Variants in CDC42BPB observed in about 807,000 individuals in gnomAD.
CDC42BPB encodes the protein CDC42 binding protein kinase beta, also known as serine/threonine-protein kinase MRCK beta.
CDC42BPB carries 37 observed loss-of-function variants against 214.9 expected under a neutral mutation model. The observed-to-expected ratio is 0.17, with a 90% CI of 0.13 to 0.23. The LOEUF is 0.23. CDC42BPB is among the 10% of genes least tolerant of loss of function. The probability of loss-of-function intolerance (pLI) is 1.00; values close to 1 mark genes in which losing one functional copy is unlikely to be tolerated. For synonymous variants in CDC42BPB, 931 were observed against 884.0 expected, an observed-to-expected ratio of 1.05 and a Z score of -0.94; for missense variants, 1,694 against 2,227.0, an observed-to-expected ratio of 0.76 and a Z score of 4.82.
Position 103,057,191 on chromosome 14 carries a change from TC to T in CDC42BPB, c.-19del. The T allele has an allele frequency of 4.4e-6, 6 of 1,365,298 alleles. No homozygotes were observed. Among genetic ancestry groups the T allele is most frequent in the Non-Finnish European group, 5.7e-6 (6 of 1,053,558 alleles). The allele number at this position is 1,365,298 out of a possible 1,614,324, so 84.6% of individuals were successfully genotyped here. A position where few individuals can be genotyped will look rare whatever the true frequency, so the allele number is the denominator to read the frequency against. ...GCCGACATGGTGCCGCGCGGCCCGC[TC>T]CCGACGCGCCGGCCTCTCACCGCCG... is the stretch of plus-strand genomic sequence containing the variant. On this transcript the variant is annotated 5_prime_UTR_variant, in exon 1 of 37. Coordinates refer to ENST00000361246, the MANE Select transcript of CDC42BPB (RefSeq NM_006035.4).
At position 102,932,580 on chromosome 14, in the gene CDC42BPB, T is replaced by G. The variant is rs531480117; in HGVS notation, c.*1132A>C. 9 of 151,834 alleles carry G rather than the reference T, an allele frequency of 5.9e-5. No individual in the cohort carries two copies. Among genetic ancestry groups the G allele is most frequent in the African/African-American group, 1.9e-4 (8 of 41,220 alleles). The allele number at this position is 151,834 out of a possible 1,614,324, so 9.4% of individuals were successfully genotyped here. ...GGTGCTGGGCCACTCAGTGCCGACT[T>G]GGGGAAGTGCACGTCCTGAACAGCC... On this transcript the variant is annotated 3_prime_UTR_variant, in exon 37 of 37. Transcript: ENST00000361246.
intron 5 of CDC42BPB, among the ~76,000 whole-genome samples, chr14:102,996,357 G>C (rs1200309867): frequency 6.6e-6 from 1 of 152,132 alleles, no homozygotes; most frequent in Non-Finnish European, 1.5e-5. Flanking sequence ...AAAAGAGAGA[G>C]AGAATGAGGA....
intron 20 of CDC42BPB, among the ~76,000 whole-genome samples, chr14:102,961,594 C>T (rs1178163191): frequency 6.6e-6 from 1 of 150,716 alleles, no homozygotes; most frequent in East Asian, 2.0e-4. Flanking sequence ...TGCAATGGTG[C>T]AATCTCGGCT....
At chr14:102,935,627 T>TA (rs1306362363) in intron 36 of CDC42BPB, among the ~76,000 whole-genome samples, 1 of 151,916 alleles carries the variant, frequency 6.6e-6, no homozygotes, top group Non-Finnish European at 1.5e-5. Flanking sequence ...CCGCCTCTAC[T>TA]AAAAATACAA....
rs1887789772 is a variant in CDC42BPB at position 103,038,356 on chromosome 14, A to C, written c.175+18643T>G. Among the ~76,000 whole-genome samples the C allele has an allele frequency of 3.3e-5, 5 of 151,768 alleles. No homozygotes were observed. In the South Asian group the frequency reaches 1.0e-3, roughly 32 times the overall value. On this transcript the variant is annotated intron_variant, in intron 1 of 36. Coordinates refer to ENST00000361246, the MANE Select transcript of CDC42BPB (RefSeq NM_006035.4). ...GACTCTGTCTCAAAAAAAAAAAAAA[A>C]ACCAAAACAACTTCAGCACTCCTTA...
At chr14:102,951,295 T>C (rs191184534) in intron 24 of CDC42BPB, among the ~76,000 whole-genome samples, 3 of 152,186 alleles carry the variant, frequency 2.0e-5, no homozygotes, top group Non-Finnish European at 4.4e-5. Flanking sequence ...TGCTATAATG[T>C]AGAATGAAGG....
At chr14:102,970,303 C>T (rs1595479149) in intron 13 of CDC42BPB, 42 bp from the exon 14 acceptor site, 5 of 1,571,650 alleles carry the variant, frequency 3.2e-6, no homozygotes, top group Non-Finnish European at 4.3e-6. Flanking sequence ...AAAAGCGAGC[C>T]CTGCTTCACC....
At chr14:103,000,541 C>T (rs576858918) in intron 4 of CDC42BPB, among the ~76,000 whole-genome samples, 5 of 152,342 alleles carry the variant, frequency 3.3e-5, no homozygotes, top group South Asian at 2.1e-4. Flanking sequence ...TCTCTGGGGC[C>T]GCTGTGCCTC....
intron 25 of CDC42BPB, 133 bp from the exon 26 acceptor site, chr14:102,950,037 C>A: frequency 6.7e-7 from 1 of 1,491,480 alleles, no homozygotes. Flanking sequence ...GATGTTTGCC[C>A]AAGAAGGCTC....
chr14:103,023,669 C>CT (rs1190723948), intron 1 of CDC42BPB, among the ~76,000 whole-genome samples: 1 of 151,830 alleles, frequency 6.6e-6, no homozygotes, highest in Non-Finnish European at 1.5e-5. Flanking sequence ...TAATTTTTTC[C>CT]TTTTTTTAAC....
intron 1 of CDC42BPB, among the ~76,000 whole-genome samples, chr14:103,022,247 C>A (rs796952717): frequency 1.2e-4 from 19 of 152,264 alleles, no homozygotes; most frequent in African/African-American, 4.6e-4. Flanking sequence ...ACGTGGAGAC[C>A]ACAGGTGGCC....
chr14:103,032,359 ATT>A (rs35561125), intron 1 of CDC42BPB, among the ~76,000 whole-genome samples: 1 of 151,154 alleles, frequency 6.6e-6, no homozygotes, highest in African/African-American at 2.4e-5. Context: ...AGAAATGCCT[ATT>A]TTTTTTTACA....
chr14:102,968,775 C>T, intron 14 of CDC42BPB, 59 bp from the exon 15 acceptor site: 1 of 1,583,648 alleles, frequency 6.3e-7, no homozygotes, highest in South Asian at 1.2e-5. Flanking sequence ...GTCACACTGT[C>T]CTTTCAACCC....
At chr14:103,020,896 CAATA>C (rs1376206512) in intron 1 of CDC42BPB, among the ~76,000 whole-genome samples, 2 of 152,216 alleles carry the variant, frequency 1.3e-5, no homozygotes, top group Non-Finnish European at 2.9e-5. Flanking sequence ...CTTTGTTTCA[CAATA>C]ACTAAGCTCT....
At chr14:103,024,901 C>T (rs1886966306) in intron 1 of CDC42BPB, among the ~76,000 whole-genome samples, 5 of 152,070 alleles carry the variant, frequency 3.3e-5, no homozygotes, top group Admixed American at 3.3e-4. Context: ...ATTTTTAATC[C>T]CTTGTTATTT....
chr14:102,956,737 G>T (rs1177311781), intron 21 of CDC42BPB, among the ~76,000 whole-genome samples: 2 of 152,168 alleles, frequency 1.3e-5, no homozygotes, highest in East Asian at 3.9e-4. Context: ...GCTGAGGCAG[G>T]AGAATCGCTT....
rs1193254179 is a variant in CDC42BPB at position 102,977,705 on chromosome 14, C to A, written c.1220+421G>T. Among the ~76,000 whole-genome samples the A allele has an allele frequency of 2.6e-5, 4 of 152,318 alleles. No homozygotes were observed. In the East Asian group the frequency reaches 7.7e-4, roughly 29 times the overall value. On this transcript the variant is annotated intron_variant, in intron 9 of 36. Coordinates refer to ENST00000361246, the MANE Select transcript of CDC42BPB (RefSeq NM_006035.4). The stretch of plus-strand genomic sequence containing the variant: ...ACCGACTGGATCAGAGCTAACCCTG[C>A]CAATGCTGGCGGCCTATTGGTCAGG...
intron 1 of CDC42BPB, among the ~76,000 whole-genome samples, chr14:103,046,834 A>G (rs1236144600): frequency 6.6e-6 from 1 of 151,620 alleles, no homozygotes; most frequent in Admixed American, 6.6e-5. Context: ...TTGTATTTTT[A>G]GTACAGACGG....
intron 2 of CDC42BPB, among the ~76,000 whole-genome samples, chr14:103,010,129 TA>T (rs1316259991): frequency 1.3e-5 from 2 of 151,680 alleles, no homozygotes; most frequent in East Asian, 3.9e-4. Flanking sequence ...CTACAAATAA[TA>T]AAAAAAATTA....
Sources: gnomAD v4.1 joint callset for allele counts (sites outside exome capture counted in the v4.1 genomes callset) on GRCh38, gnomAD v4.1.1 for gene constraint, MANE v1.5 for transcripts, NCBI Gene and HGNC (gene_info 2026-07-23, HGNC 2026-07-21) for gene names.